The following CA10 variants were observed in gnomAD, a reference collection of about 807,000 sequenced individuals.
CA10 encodes the protein carbonic anhydrase-related protein 10.
Under a neutral mutation model 44.2 loss-of-function variants are expected in CA10, and 14 were observed. The observed-to-expected ratio is 0.32, with a 90% confidence interval of 0.21 to 0.50. CA10 has a LOEUF of 0.50. Ranked by LOEUF, CA10 falls within the 20% of genes least tolerant of loss-of-function variation. The pLI is 0.99. For missense variants in CA10, 350 were observed against 409.7 expected (o/e 0.85, Z 1.26); for synonymous variants, 159 against 141.6 (o/e 1.12, Z -0.87).
chr17:51,872,775 A>T (rs370246421), intron 3 of CA10, among the ~76,000 whole-genome samples: 27 of 152,298 alleles, frequency 1.8e-4, no homozygotes, highest in Middle Eastern at 3.4e-3. Flanking sequence ...TATATCACAG[A>T]GACTGGTAAA....
chr17:51,668,270 C>A (rs867437223), intron 4 of CA10, among the ~76,000 whole-genome samples: 2 of 152,108 alleles, frequency 1.3e-5, no homozygotes, highest in African/African-American at 2.4e-5. Context: ...CAGGGAGGGG[C>A]GATTTCAAGA....
chr17:51,980,531 C>T (rs1984618910), intron 2 of CA10, among the ~76,000 whole-genome samples: 1 of 152,018 alleles, frequency 6.6e-6, no homozygotes, highest in East Asian at 1.9e-4. Context: ...AATTAGATCC[C>T]ATTTGTCAAT....
intron 4 of CA10, among the ~76,000 whole-genome samples, chr17:51,712,820 G>A (rs1042704768): frequency 2.0e-5 from 3 of 152,354 alleles, no homozygotes; most frequent in Admixed American, 6.5e-5. Context: ...CTCAGACTAT[G>A]TGGAGTGGTT....
At chr17:52,151,367 C>T (rs887292467) in intron 1 of CA10, among the ~76,000 whole-genome samples, 3 of 152,084 alleles carry the variant, frequency 2.0e-5, no homozygotes, top group African/African-American at 7.2e-5. Context: ...TTCTTTCTCC[C>T]TGTTCTTTTG....
chr17:51,837,121 C>T (rs1908514569), intron 3 of CA10, among the ~76,000 whole-genome samples: 1 of 151,898 alleles, frequency 6.6e-6, no homozygotes, highest in African/African-American at 2.4e-5. Flanking sequence ...CATGCACACA[C>T]ATACACACAA....
intron 2 of CA10, among the ~76,000 whole-genome samples, chr17:51,958,584 C>T (rs951108711): frequency 1.1e-4 from 16 of 152,006 alleles, no homozygotes; most frequent in Admixed American, 6.6e-4. Context: ...CTCAATATTG[C>T]GGTTCATTAT....
chr17:52,012,877 T>C (rs1446301598), intron 2 of CA10, among the ~76,000 whole-genome samples: 4 of 152,046 alleles, frequency 2.6e-5, no homozygotes, highest in Non-Finnish European at 4.4e-5. Flanking sequence ...GCATTTTTTT[T>C]CTGCTCAGGC....
intron 2 of CA10, among the ~76,000 whole-genome samples, chr17:52,011,390 A>G (rs1490515556): frequency 1.3e-5 from 2 of 152,026 alleles, no homozygotes; most frequent in Non-Finnish European, 2.9e-5. Context: ...TCTGGTGCAA[A>G]TAATTAGGGC....
At chr17:51,760,740 C>T (rs537173517) in intron 3 of CA10, among the ~76,000 whole-genome samples, 10 of 152,294 alleles carry the variant, frequency 6.6e-5, no homozygotes, top group African/African-American at 2.2e-4. Flanking sequence ...CTGTCCAATA[C>T]AGCAGCTATC....
At chr17:52,003,604 C>G (rs955938172) in intron 2 of CA10, among the ~76,000 whole-genome samples, 1 of 151,764 alleles carries the variant, frequency 6.6e-6, no homozygotes, top group African/African-American at 2.4e-5. Context: ...GAAATACAAA[C>G]AGGAATGTTC....
At chr17:51,831,740 C>T (rs1002897777) in intron 3 of CA10, among the ~76,000 whole-genome samples, 12 of 98,914 alleles carry the variant, frequency 1.2e-4, no homozygotes, top group Non-Finnish European at 2.0e-4. Flanking sequence ...CAGAAAAAGA[C>T]CTTCCTTCCA....
At chr17:51,901,778 A>G (rs1428790943) in intron 3 of CA10, among the ~76,000 whole-genome samples, 2 of 152,172 alleles carry the variant, frequency 1.3e-5, no homozygotes, top group Non-Finnish European at 2.9e-5. Flanking sequence ...TGATGATAGC[A>G]GCAGCTAACA....
intron 1 of CA10, among the ~76,000 whole-genome samples, chr17:52,155,329 T>C (rs1190190641): frequency 1.3e-5 from 2 of 152,182 alleles, no homozygotes. Context: ...TTCCTTTCAA[T>C]AGAGCTCAGT....
intron 3 of CA10, among the ~76,000 whole-genome samples, chr17:51,823,228 G>C (rs942356043): frequency 1.3e-5 from 2 of 152,210 alleles, no homozygotes; most frequent in Non-Finnish European, 2.9e-5. Context: ...GAAATGCCCA[G>C]GCGGTCACAT....
chr17:51,709,668 A>G (rs1915869928), intron 4 of CA10, among the ~76,000 whole-genome samples: 1 of 152,226 alleles, frequency 6.6e-6, no homozygotes, highest in Admixed American at 6.5e-5. Flanking sequence ...AGCATATGCA[A>G]ATGTCCTCAG....
At chr17:51,992,436 G>C (rs536885594) in intron 2 of CA10, among the ~76,000 whole-genome samples, 457 of 152,102 alleles carry the variant, frequency 3.0e-3, no homozygotes, top group Non-Finnish European at 4.4e-3. Context: ...TTCTCTATAT[G>C]CCTATAGCTT....
Position 52,076,186 on chromosome 17 carries a change from A to G in CA10, c.62-3793T>C, listed in dbSNP as rs80291568. On this transcript the variant is annotated intron_variant, in intron 1 of 8. Transcript: ENST00000451037. ...CACTCCCCTCTAAGGACAACCTATC[A>G]GTCGAACTGAAATATCAATTTAAGA... Among the ~76,000 whole-genome samples, 5 of 152,306 alleles carry G rather than the reference A, an allele frequency of 3.3e-5. No homozygotes were observed. In the East Asian group the frequency reaches 9.6e-4, roughly 29 times the overall value.
chr17:51,814,710 T>C (rs879647948), intron 3 of CA10, among the ~76,000 whole-genome samples: 2 of 152,148 alleles, frequency 1.3e-5, no homozygotes, highest in Non-Finnish European at 2.9e-5. Context: ...GCAAAACCAG[T>C]TCTTCTGTTT....
intron 3 of CA10, among the ~76,000 whole-genome samples, chr17:51,787,517 C>T (rs931412326): frequency 6.6e-6 from 1 of 150,840 alleles, no homozygotes; most frequent in African/African-American, 2.4e-5. Context: ...TTTGAGACAC[C>T]CTCCTCTCTG....
Sources: allele counts gnomAD v4.1 joint callset (sites outside exome capture counted in the v4.1 genomes callset), GRCh38; gene constraint gnomAD v4.1.1; transcripts MANE v1.5; gene names NCBI Gene and HGNC (gene_info 2026-07-23, HGNC 2026-07-21).